The following DACH2 variants were observed in gnomAD, a reference collection of about 807,000 sequenced individuals.
DACH2 encodes the protein dachshund family transcription factor 2, also known as dachshund homolog 2.
In DACH2, 17 loss-of-function variants were observed where a neutral mutation model predicts 35.8. That is an observed-to-expected ratio of 0.48 (90% CI 0.33 to 0.71). The LOEUF is 0.71. Among genes scored for constraint, DACH2 ranks in the 30% least tolerant of loss-of-function variants. DACH2 has a pLI of 0.02. For synonymous variants in DACH2, 195 were observed against 177.3 expected, an observed-to-expected ratio of 1.10 and a Z score of -0.79; for missense variants, 469 against 472.7, an observed-to-expected ratio of 0.99 and a Z score of 0.07.
chrX:86,251,242 C>G (rs868842518), intron 1 of DACH2, among the ~76,000 whole-genome samples: 64 of 111,440 alleles, frequency 5.7e-4, no homozygotes, highest in African/African-American at 2.0e-3. Flanking sequence ...ATGGCGATAT[C>G]AAAGTTGTAA....
At chrX:86,153,338 A>AT (rs1267342626) in intron 1 of DACH2, among the ~76,000 whole-genome samples, 1 of 111,428 alleles carries the variant, frequency 9.0e-6, no homozygotes, top group Non-Finnish European at 1.9e-5. Context: ...TATTAAAGAG[A>AT]TTTTTAATAT....
intron 4 of DACH2, among the ~76,000 whole-genome samples, chrX:86,686,539 G>T (rs1248757451): frequency 3.6e-5 from 4 of 110,612 alleles, no homozygotes; most frequent in Non-Finnish European, 5.7e-5. Flanking sequence ...TAATTGAAGG[G>T]TATTTTTTTA....
At chrX:86,479,912 A>G (rs2037911772) in intron 2 of DACH2, among the ~76,000 whole-genome samples, 1 of 112,672 alleles carries the variant, frequency 8.9e-6, no homozygotes, top group South Asian at 3.6e-4. Flanking sequence ...TTTCCTCAAA[A>G]CAACTATTTT....
At position 86,718,681 on chromosome X, in the gene DACH2, C is replaced by A. The variant is rs979046465; in HGVS notation, c.1104+3961C>A. ...ATGCTGAAAGATAAGGGTCCAATTT[C>A]ATTCTTCTGTGTATGGCAATCAAAG... On this transcript the variant is annotated intron_variant, in intron 6 of 11. Transcript: ENST00000373125. Among the ~76,000 whole-genome samples the A allele has an allele frequency of 8.0e-5, 9 of 111,836 alleles. No individual in the cohort carries two copies. The East Asian group carries it at 2.5e-3, about 32-fold the overall frequency.
chrX:86,724,236 G>T (rs1446267595), intron 6 of DACH2, among the ~76,000 whole-genome samples: 2 of 111,688 alleles, frequency 1.8e-5, no homozygotes, highest in Admixed American at 1.9e-4. Flanking sequence ...ATTCCATCAT[G>T]TTGTCATTTG....
intron 6 of DACH2, among the ~76,000 whole-genome samples, chrX:86,730,921 A>C (rs1456575658): frequency 9.0e-6 from 1 of 111,534 alleles, no homozygotes; most frequent in African/African-American, 3.3e-5. Context: ...AAAGAAGGTT[A>C]TGGGATGTAT....
At chrX:86,829,370 T>C (rs758474538) in intron 11 of DACH2, 10 of 112,304 alleles carry the variant, frequency 8.9e-5, no homozygotes, top group Non-Finnish European at 1.9e-4. Context: ...GAAAGTCTCA[T>C]CATTAAATGG....
intron 2 of DACH2, among the ~76,000 whole-genome samples, chrX:86,416,827 G>A (rs759468954): frequency 9.1e-6 from 1 of 110,395 alleles, no homozygotes; most frequent in South Asian, 3.9e-4. Flanking sequence ...GGCCTGGTGT[G>A]GTGGCTCACG....
intron 2 of DACH2, among the ~76,000 whole-genome samples, chrX:86,465,744 C>A (rs1478305580): frequency 8.9e-6 from 1 of 111,854 alleles, no homozygotes. Context: ...AGTTGGAATT[C>A]TCCGTATAGT....
chrX:86,752,562 A>G (rs955008034), intron 7 of DACH2, among the ~76,000 whole-genome samples: 4 of 112,055 alleles, frequency 3.6e-5, no homozygotes, highest in Non-Finnish European at 1.9e-5. Flanking sequence ...CAGATTTTAA[A>G]GAACCAGGAT....
At chrX:86,346,560 A>C (rs1223481816) in intron 1 of DACH2, among the ~76,000 whole-genome samples, 3 of 111,604 alleles carry the variant, frequency 2.7e-5, no homozygotes. Flanking sequence ...AAAACAAAAC[A>C]GCTGACTTGA....
At chrX:86,153,421 G>A (rs968464465) in intron 1 of DACH2, among the ~76,000 whole-genome samples, 5 of 111,067 alleles carry the variant, frequency 4.5e-5, no homozygotes, top group Admixed American at 1.9e-4. Flanking sequence ...CGCTCAATGA[G>A]TTTGGCTTTG....
intron 1 of DACH2, among the ~76,000 whole-genome samples, chrX:86,174,727 G>T (rs933766264): frequency 9.0e-6 from 1 of 111,724 alleles, no homozygotes; most frequent in Non-Finnish European, 1.9e-5. Context: ...AGGCTGGAGT[G>T]CAGTGGCATG....
At chrX:86,416,445 T>G (rs954374790) in intron 2 of DACH2, among the ~76,000 whole-genome samples, 3 of 112,081 alleles carry the variant, frequency 2.7e-5, no homozygotes, top group Admixed American at 1.9e-4. Context: ...TATGTGTGTG[T>G]GGGCACACAC....
chrX:86,460,684 A>G (rs1422991963), intron 2 of DACH2, among the ~76,000 whole-genome samples: 1 of 111,059 alleles, frequency 9.0e-6, no homozygotes, highest in Non-Finnish European at 1.9e-5. Context: ...GTGATCTAAA[A>G]GACTATAAAT....
At chrX:86,172,237 T>C (rs1401052074) in intron 1 of DACH2, among the ~76,000 whole-genome samples, 1 of 112,443 alleles carries the variant, frequency 8.9e-6, no homozygotes, top group African/African-American at 3.2e-5. Context: ...GAAGTGTCTG[T>C]TTTTATAATT....
In DACH2 at chrX:86,431,734, G is replaced by A. The variant is rs761597397; in HGVS notation, c.527+54872G>A. On this transcript the variant is annotated intron_variant, in intron 2 of 11. Transcript: ENST00000373125. Reference sequence around the variant, plus strand: ...ACAGTCTCTTAAAATTTAAGGTTCTGAATAATTAGATTACTTGCTTAATAC... The same window carrying A: ...ACAGTCTCTTAAAATTTAAGGTTCTAAATAATTAGATTACTTGCTTAATAC... Among the ~76,000 whole-genome samples the A allele has an allele frequency of 1.2e-4, 13 of 111,571 alleles. No individual in the cohort carries two copies. The Admixed American group carries it at 1.2e-3, about 11-fold the overall frequency.
intron 1 of DACH2, among the ~76,000 whole-genome samples, chrX:86,161,839 G>A (rs2030769242): frequency 9.0e-6 from 1 of 111,527 alleles, no homozygotes; most frequent in African/African-American, 3.3e-5. Flanking sequence ...TGTTATTTTA[G>A]GGGCATGTTC....
At chrX:86,245,480 G>T (rs770018085) in intron 1 of DACH2, among the ~76,000 whole-genome samples, 1 of 111,702 alleles carries the variant, frequency 9.0e-6, no homozygotes, top group Non-Finnish European at 1.9e-5. Context: ...AGAGCAGAAG[G>T]TGTTTAACCT....
Sources: gnomAD v4.1 joint callset for allele counts (sites outside exome capture counted in the v4.1 genomes callset) on GRCh38, gnomAD v4.1.1 for gene constraint, MANE v1.5 for transcripts, NCBI Gene and HGNC (gene_info 2026-07-23, HGNC 2026-07-21) for gene names.